HELB: variants seen among roughly 807,000 people sequenced by gnomAD.
HELB encodes DNA helicase B.
HELB carries 96 observed loss-of-function variants against 101.7 expected under a neutral mutation model. That is an observed-to-expected ratio of 0.94 (90% confidence interval 0.80 to 1.12). The LOEUF is 1.12. HELB is among the 50% of genes most tolerant of loss of function. HELB has a pLI of 0.00. For synonymous variants in HELB, 437 were observed against 459.7 expected (o/e 0.95, Z 0.63); for missense variants, 1,210 against 1,291.9 (o/e 0.94, Z 0.97).
intron 4 of HELB, among the ~76,000 whole-genome samples, chr12:66,312,687 G>A (rs1448541436): frequency 6.6e-6 from 1 of 152,208 alleles, no homozygotes; most frequent in Non-Finnish European, 1.5e-5. Flanking sequence ...GAATATTTCT[G>A]AAGCTATGTT....
chr12:66,309,127 T>A (rs1565636131), intron 3 of HELB, among the ~76,000 whole-genome samples: 1 of 152,216 alleles, frequency 6.6e-6, no homozygotes, highest in Non-Finnish European at 1.5e-5. Context: ...GAGTACATCC[T>A]GTCACTCAGC....
At chr12:66,326,769 C>T (rs565177433) in intron 11 of HELB, among the ~76,000 whole-genome samples, 3 of 149,416 alleles carry the variant, frequency 2.0e-5, no homozygotes, top group Admixed American at 6.7e-5. Flanking sequence ...TGGTGGCTCA[C>T]GCTTGTAATC....
At chr12:66,305,844 A>G (rs2136986504) in intron 2 of HELB, among the ~76,000 whole-genome samples, 1 of 152,322 alleles carries the variant, frequency 6.6e-6, no homozygotes, top group Admixed American at 6.5e-5. Context: ...CTTCAGTCCA[A>G]AATGGTTTCA....
intron 11 of HELB, among the ~76,000 whole-genome samples, chr12:66,329,949 AT>A (rs2053785972): frequency 6.6e-6 from 1 of 152,212 alleles, no homozygotes; most frequent in Non-Finnish European, 1.5e-5. Context: ...CATCGGAAAG[AT>A]GTATTTATCA....
At position 66,302,755 on chromosome 12, in the gene HELB, G is replaced by T. The variant is rs770250410; in HGVS notation, c.152G>T (p.Gly51Val). ...FIDAEELCSGGVKAGSLPGCL... is the reference protein window; with the variant it reads ...FIDAEELCSGVVKAGSLPGCL... The stretch of plus-strand genomic sequence containing the variant: ...GACGCCGAGGAGCTCTGCAGTGGGG[G>T]CGTAAAGGCTGGCAGCCTCCCCGGG... The change falls in exon 1 of 13, where the codon GGC (glycine) becomes GTC (valine). Residue 51 changes from glycine to valine, a missense_variant. Physicochemically the swap from Gly to Val is moderately radical, Grantham distance 109. Coordinates refer to ENST00000247815, the MANE Select transcript of HELB (RefSeq NM_001370285.1). 1 of 1,613,482 alleles carries T rather than the reference G, an allele frequency of 6.2e-7. No homozygotes were observed. Among genetic ancestry groups the T allele is most frequent in the Non-Finnish European group, 8.5e-7 (1 of 1,179,550 alleles).
At chr12:66,321,394 A>G (rs2053668639) in intron 7 of HELB, 1 of 152,926 alleles carries the variant, frequency 6.5e-6, no homozygotes, top group Admixed American at 6.5e-5. Context: ...TTGTGTTGTT[A>G]GGGGAGTGGC....
rs2053591019 is a variant in HELB, at chr12:66,315,249, T to C, written c.1866T>C (p.Ile622=). The change falls in exon 6 of 13, where the codon ATT becomes ATC. Residue 622 remains isoleucine (I), a synonymous_variant. Coordinates refer to ENST00000247815, the MANE Select transcript of HELB (RefSeq NM_001370285.1). ...TATCTTTTTTTCTTTTAGGTGACAT[T>C]AGACAGTTACCCAGTATTGAACCTG... is the stretch of plus-strand genomic sequence containing the variant. ...KLSKLIILGD[I]RQLPSIEPGN... is the part of the protein sequence containing the mutation. The C allele has an allele frequency of 1.3e-6, 2 of 1,591,590 alleles. No homozygotes were observed. The highest frequency in any genetic ancestry group is 1.4e-5 in the African/African-American group (1 of 73,792).
In HELB at chr12:66,310,423, G is replaced by T; in HGVS notation, c.1495G>T (p.Glu499Ter). Residue 499 changes from glutamate to a stop codon, truncating the protein, a stop_gained, in exon 4 of 13, where the codon GAA becomes TAA. Coordinates refer to ENST00000247815, the MANE Select transcript of HELB (RefSeq NM_001370285.1). LOFTEE classifies it high-confidence loss of function. ...GCATATAGAGCAGTTGGAAGAAAGAGAAGTAAAAAAAGCCTGTGAAGATTT... is the reference window on the plus strand; with the variant it reads ...GCATATAGAGCAGTTGGAAGAAAGATAAGTAAAAAAAGCCTGTGAAGATTT... The part of the protein sequence containing the change: ...FKHIEQLEER[E>*]VKKACEDFEQ... 6.2e-7 allele frequency: 1 copy of T among 1,614,126 alleles called. No homozygotes were observed. The highest frequency in any genetic ancestry group is 1.3e-5 in the African/African-American group (1 of 75,026).
rs762298939 is a variant in HELB at position 66,322,794 on chromosome 12, T to G, written c.2297+11T>G. ...AGGCCACCTCACCAAGTGAGTGTCT[T>G]CGAGAACTGAAACTTTTAAGGACAG... On this transcript the variant is annotated intron_variant, in intron 9 of 12. Transcript: ENST00000247815. 72 of 1,583,834 alleles carry G rather than the reference T, an allele frequency of 4.5e-5. No individual in the cohort carries two copies. Among genetic ancestry groups the G allele is most frequent in the Non-Finnish European group, 3.6e-5 (42 of 1,159,140 alleles).
Position 66,338,075 on chromosome 12 carries a change from C to T in HELB, c.3237C>T (p.Phe1079=), listed in dbSNP as rs775702143. The T allele has an allele frequency of 6.3e-7, 1 of 1,589,662 alleles. No individual in the cohort carries two copies. Among genetic ancestry groups the T allele is most frequent in the Admixed American group, 1.7e-5 (1 of 59,900 alleles). ...ATAATTTAATTCCCAGGCAACTTTTCAAGCCCACCGATAATCAAGAAACTT... is the reference window on the plus strand; with the variant it reads ...ATAATTTAATTCCCAGGCAACTTTTTAAGCCCACCGATAATCAAGAAACTT... ...RLNNLIPRQL[F]KPTDNQET The change falls in exon 13 of 13, where the codon TTC becomes TTT. Residue 1079 remains phenylalanine (F), a synonymous_variant. Coordinates refer to ENST00000247815, the MANE Select transcript of HELB (RefSeq NM_001370285.1).
intron 12 of HELB, among the ~76,000 whole-genome samples, chr12:66,333,144 C>T (rs139724892): frequency 1.8e-3 from 270 of 152,144 alleles, no homozygotes; most frequent in Middle Eastern, 3.4e-3. Context: ...ACATTATATT[C>T]CAGCATAGGC....
In HELB at chr12:66,324,009, G is replaced by GA; in HGVS notation, c.2326dup (p.Ile776AsnfsTer3). The GA allele has an allele frequency of 6.2e-7, 1 of 1,612,212 alleles. No individual in the cohort carries two copies. ...GACCATCAGAGTAGACTTGTTTTTG[G>GA]AATTGGTGATAAAATTTGTTGTACC... On this transcript the variant is annotated frameshift_variant, in exon 10 of 13. Transcript: ENST00000247815. LOFTEE classifies it high-confidence loss of function.
In HELB at chr12:66,318,724, C is replaced by T. The variant is rs1395770231; in HGVS notation, c.2087C>T (p.Thr696Ile). 6.2e-7 allele frequency: 1 copy of T among 1,611,006 alleles called. No individual in the cohort carries two copies. Among genetic ancestry groups the T allele is most frequent in the Non-Finnish European group, 8.5e-7 (1 of 1,178,978 alleles). ...PTLPISIQDK[T>I]FIFVRLPEED... ...TTACCCATCTCAATTCAAGATAAGA[C>T]ATTTATTTTTGTCAGGCTCCCAGAA... The change falls in exon 7 of 13, where the codon ACA (threonine) becomes ATA (isoleucine). Residue 696 changes from threonine (T) to isoleucine (I), a missense_variant. By Grantham distance (89) the Thr-to-Ile change is moderately conservative. Coordinates refer to ENST00000247815, the MANE Select transcript of HELB (RefSeq NM_001370285.1).
chr12:66,333,970 G>A (rs957957332), intron 12 of HELB, among the ~76,000 whole-genome samples: 3 of 151,838 alleles, frequency 2.0e-5, no homozygotes, highest in Non-Finnish European at 4.4e-5. Flanking sequence ...GACCAGCCTG[G>A]GTAATATGGT....
intron 1 of HELB, among the ~76,000 whole-genome samples, chr12:66,303,292 A>G (rs1034459933): frequency 3.3e-5 from 5 of 151,884 alleles, no homozygotes; most frequent in Non-Finnish European, 7.4e-5. Flanking sequence ...ATTATCCTAT[A>G]TTGCCTGGAG....
chr12:66,333,420 C>T (rs548990371), intron 12 of HELB, among the ~76,000 whole-genome samples: 21 of 152,304 alleles, frequency 1.4e-4, no homozygotes, highest in South Asian at 6.2e-4. Flanking sequence ...GTGCAGTGCT[C>T]ATGCCTGTAA....
intron 11 of HELB, among the ~76,000 whole-genome samples, chr12:66,326,762 T>C (rs1489949004): frequency 1.3e-4 from 20 of 150,346 alleles, no homozygotes; most frequent in Admixed American, 1.3e-3. Context: ...TCTGGTGTGG[T>C]GGCTCACGCT....
At chr12:66,311,493 G>A (rs991939559) in intron 4 of HELB, among the ~76,000 whole-genome samples, 1 of 152,172 alleles carries the variant, frequency 6.6e-6, no homozygotes. Flanking sequence ...TCCCACTAGA[G>A]TGTAGGCGTA....
Position 66,309,778 on chromosome 12 carries a change from C to T in HELB, c.850C>T (p.Leu284Phe). The change falls in exon 4 of 13, where the codon CTC (leucine) becomes TTC (phenylalanine). Residue 284 changes from leucine (L) to phenylalanine (F), a missense_variant. Physicochemically the swap from Leu to Phe is conservative, Grantham distance 22. Around this residue, in one of 2 missense-constraint regions of HELB, gnomAD observed 470 missense variants for 563.1 expected, o/e 0.83. Coordinates refer to ENST00000247815, the MANE Select transcript of HELB (RefSeq NM_001370285.1). The stretch of plus-strand genomic sequence containing the variant: ...AGCATTTTGTCAGTGTGAGTCTCTT[C>T]TCCAGCTGATGACTGATTTGGAGAA... The part of the protein sequence containing the change: ...WIAFCQCESL[L>F]QLMTDLEKNA... The T allele has an allele frequency of 6.2e-7, 1 of 1,614,138 alleles. No homozygotes were observed. The highest frequency in any genetic ancestry group is 1.1e-5 in the South Asian group (1 of 91,088).
Sources: allele counts gnomAD v4.1 joint callset (sites outside exome capture counted in the v4.1 genomes callset), GRCh38; gene constraint gnomAD v4.1.1; regional missense constraint gnomAD v4.1.1; transcripts MANE v1.5; gene names NCBI Gene and HGNC (gene_info 2026-07-23, HGNC 2026-07-21).